Variants in GNB1 observed in about 807,000 individuals in gnomAD.
The protein encoded by GNB1 is G protein subunit beta 1, also known as guanine nucleotide-binding protein G(I)/G(S)/G(T) subunit beta-1.
GNB1 carries 2 observed loss-of-function variants against 42.9 expected under a neutral mutation model. That is an observed-to-expected ratio of 0.05 (90% confidence interval 0.02 to 0.15). The LOEUF is 0.15. Among genes scored for constraint, GNB1 ranks in the 10% least tolerant of loss-of-function variants. The pLI, the probability that GNB1 is intolerant of heterozygous loss-of-function variation, is 1.00. For synonymous variants in GNB1, 183 were observed against 174.7 expected, an observed-to-expected ratio of 1.05 and a Z score of -0.38; for missense variants, 193 against 462.2, an observed-to-expected ratio of 0.42 and a Z score of 5.34.
At position 1,885,304 on chromosome 1, in the gene GNB1, T is replaced by C. The variant is rs1221243658; in HGVS notation, c.-96+5516A>G. Among the ~76,000 whole-genome samples the C allele has an allele frequency of 3.3e-5, 5 of 150,306 alleles. No homozygotes were observed. The South Asian group carries it at 6.4e-4, about 19-fold the overall frequency. On this transcript the variant is annotated intron_variant, in intron 1 of 11. Transcript: ENST00000378609. The stretch of plus-strand genomic sequence containing the variant: ...GGCGGGCACCTGTAATCTCAGCTAC[T>C]TGGGAGGCTGAGGCAGGAGAATCAC...
rs1050086967 is a variant in GNB1 at position 1,786,359 on chromosome 1, TGATCACGCATTTGA to T, written c.*690_*703del. The T allele has an allele frequency of 7.0e-5, 22 of 314,962 alleles. No individual in the cohort carries two copies. Among genetic ancestry groups the T allele is most frequent in the East Asian group, 3.3e-4 (7 of 21,094 alleles). The allele number at this position is 314,962 out of a possible 1,614,324, so 19.5% of individuals were successfully genotyped here. A position where few individuals can be genotyped will look rare whatever the true frequency, so the allele number is the denominator to read the frequency against. ...TTTTCAGCAAAGGTGAAGGATTCTC[TGATCACGCATTTGA>T]GACCGTCCCCGCATGTGCTTGGCCC... On this transcript the variant is annotated 3_prime_UTR_variant, in exon 12 of 12. Transcript: ENST00000378609.
At chr1:1,884,931 C>T (rs1263130049) in intron 1 of GNB1, among the ~76,000 whole-genome samples, 2 of 151,764 alleles carry the variant, frequency 1.3e-5, no homozygotes, top group Admixed American at 6.6e-5. Flanking sequence ...GATCTGCCCG[C>T]CTGGGCCTCC....
chr1:1,872,150 T>C (rs1299902421), intron 1 of GNB1, among the ~76,000 whole-genome samples: 1 of 152,046 alleles, frequency 6.6e-6, no homozygotes, highest in Non-Finnish European at 1.5e-5. Context: ...TACAAGTGTA[T>C]GCTACAATGC....
intron 1 of GNB1, among the ~76,000 whole-genome samples, chr1:1,840,889 T>C (rs919616942): frequency 3.9e-5 from 6 of 152,122 alleles, no homozygotes; most frequent in African/African-American, 1.4e-4. Flanking sequence ...TCAGAACATT[T>C]ATTGTATTTT....
At chr1:1,801,531 T>C (rs189003522) in intron 7 of GNB1, among the ~76,000 whole-genome samples, 1 of 152,228 alleles carries the variant, frequency 6.6e-6, no homozygotes, top group Admixed American at 6.5e-5. Context: ...AGGACCAAGT[T>C]AACTAGAGGA....
In GNB1 at chr1:1,793,325, G is replaced by A; in HGVS notation, c.431-14C>T. 2 of 1,602,892 alleles carry A rather than the reference G, an allele frequency of 1.2e-6. No individual in the cohort carries two copies. The highest frequency in any genetic ancestry group is 1.3e-5 in the African/African-American group (1 of 74,808). On this transcript the variant is annotated splice_polypyrimidine_tract_variant and intron_variant, in intron 7 of 11. Coordinates refer to ENST00000378609, the MANE Select transcript of GNB1 (RefSeq NM_002074.5). ...AGGACAGGTAACCTGGCAAAGAACA[G>A]GCCTAAGTGATGAGCTGAATCCAGC...
At chr1:1,865,278 A>ACAAAAAAAAAC (rs1175504345) in intron 1 of GNB1, among the ~76,000 whole-genome samples, 117 of 127,198 alleles carry the variant, frequency 9.2e-4, no homozygotes, top group South Asian at 2.0e-3. Context: ...CAAAAAAAAA[A>ACAAAAAAAAAC]CAAAAAAAAA....
chr1:1,814,321 G>A (rs890163151), intron 5 of GNB1, among the ~76,000 whole-genome samples: 2 of 152,214 alleles, frequency 1.3e-5, no homozygotes, highest in African/African-American at 4.8e-5. Flanking sequence ...AGAAGGGCAT[G>A]TTAAAAATTG....
At chr1:1,799,841 T>C (rs967607878) in intron 7 of GNB1, among the ~76,000 whole-genome samples, 2 of 152,114 alleles carry the variant, frequency 1.3e-5, no homozygotes, top group African/African-American at 4.8e-5. Context: ...GTAGACAGAT[T>C]ACTGGGCAAC....
At chr1:1,877,330 T>C (rs4648729) in intron 1 of GNB1, among the ~76,000 whole-genome samples, 51,977 of 137,652 alleles carry the variant, frequency 0.38, 12,197 homozygotes, top group East Asian at 0.6. Context: ...TATATATATA[T>C]ACACACACAC....
intron 4 of GNB1, among the ~76,000 whole-genome samples, chr1:1,816,122 C>T (rs1646851935): frequency 6.6e-6 from 1 of 152,218 alleles, no homozygotes; most frequent in Non-Finnish European, 1.5e-5. Context: ...AGCCTTGAAG[C>T]ACTTGCTGTT....
At position 1,790,340 on chromosome 1, in the gene GNB1, G is replaced by C. The variant is rs966354864; in HGVS notation, c.699+55C>G. Reference sequence around the variant, plus strand: ...AGAAAAGTTTAAAATTTAGCAATCTGAACGGCTAGCAGAGACGGCAGAGGA... The same window carrying C: ...AGAAAAGTTTAAAATTTAGCAATCTCAACGGCTAGCAGAGACGGCAGAGGA... On this transcript the variant is annotated intron_variant, in intron 9 of 11. Transcript: ENST00000378609. The surrounding 1 kb of genome is among the most constrained non-coding windows in gnomAD (Gnocchi z 5.4). The C allele has an allele frequency of 1.6e-6, 2 of 1,227,026 alleles. No individual in the cohort carries two copies. The highest frequency in any genetic ancestry group is 2.4e-6 in the Non-Finnish European group (2 of 828,202). 76.0% of individuals were successfully genotyped at this position (1,227,026 alleles called of 1,614,324 possible). A position where few individuals can be genotyped will look rare whatever the true frequency, so the allele number is the denominator to read the frequency against.
At chr1:1,845,635 A>G (rs1570705696) in intron 1 of GNB1, among the ~76,000 whole-genome samples, 1 of 152,048 alleles carries the variant, frequency 6.6e-6, no homozygotes, top group East Asian at 1.9e-4. Context: ...ATTAATATGG[A>G]TATGTATGCC....
chr1:1,885,549 ATCTT>A (rs1021046622), intron 1 of GNB1, among the ~76,000 whole-genome samples: 1 of 140,628 alleles, frequency 7.1e-6, no homozygotes, highest in Non-Finnish European at 1.5e-5. Context: ...CTTCCACTTA[ATCTT>A]TTTTTTTTTT....
intron 1 of GNB1, among the ~76,000 whole-genome samples, chr1:1,859,806 C>T (rs1021766898): frequency 2.7e-5 from 4 of 150,694 alleles, no homozygotes; most frequent in African/African-American, 4.9e-5. Context: ...GTCAGGAGAT[C>T]GAGATCGACC....
chr1:1,859,397 C>T (rs1286749773), intron 1 of GNB1, among the ~76,000 whole-genome samples: 1 of 151,436 alleles, frequency 6.6e-6, no homozygotes, highest in Non-Finnish European at 1.5e-5. Context: ...AAAGATTCAA[C>T]AAAGGGCTGG....
intron 1 of GNB1, among the ~76,000 whole-genome samples, chr1:1,873,457 A>G (rs1292338135): frequency 6.6e-6 from 1 of 152,210 alleles, no homozygotes; most frequent in Non-Finnish European, 1.5e-5. Context: ...TGCCCTTGCT[A>G]GCGTGGCCAG....
chr1:1,821,383 A>T (rs1171990178), intron 3 of GNB1, among the ~76,000 whole-genome samples: 1 of 152,222 alleles, frequency 6.6e-6, no homozygotes, highest in Non-Finnish European at 1.5e-5. Context: ...CCTCAATAAT[A>T]ATCAAAAGGA....
At chr1:1,814,965 T>C (rs368352975) in intron 5 of GNB1, among the ~76,000 whole-genome samples, 10 of 151,346 alleles carry the variant, frequency 6.6e-5, no homozygotes, top group African/African-American at 2.4e-4. Context: ...ACAAAAAAAT[T>C]AGCCAGTGTG....
Sources: allele counts gnomAD v4.1 joint callset (sites outside exome capture counted in the v4.1 genomes callset), GRCh38; gene constraint gnomAD v4.1.1; non-coding constraint Gnocchi (gnomAD v3.1); transcripts MANE v1.5; gene names NCBI Gene and HGNC (gene_info 2026-07-23, HGNC 2026-07-21).